The following BCKDHB variants were observed in gnomAD, a reference collection of about 807,000 sequenced individuals.
The protein encoded by BCKDHB is 2-oxoisovalerate dehydrogenase subunit beta, mitochondrial.
Under a neutral mutation model 48.5 loss-of-function variants are expected in BCKDHB, and 41 were observed. The observed-to-expected ratio is 0.85, with a 90% CI of 0.66 to 1.10. BCKDHB has a LOEUF of 1.10. BCKDHB is among the 50% of genes least tolerant of loss of function. The pLI is 0.00. For synonymous variants in BCKDHB, 201 were observed against 174.8 expected (o/e 1.15, Z -1.18); for missense variants, 496 against 494.2 (o/e 1.00, Z -0.03).
chr6:80,286,841 C>T (rs1033257379), intron 9 of BCKDHB, among the ~76,000 whole-genome samples: 19 of 152,116 alleles, frequency 1.2e-4, no homozygotes, highest in South Asian at 6.2e-4. Context: ...AGTATGATTA[C>T]TTATATTTAT....
chr6:80,277,337 C>T (rs1778006440), intron 9 of BCKDHB, among the ~76,000 whole-genome samples: 1 of 151,812 alleles, frequency 6.6e-6, no homozygotes, highest in South Asian at 2.1e-4. Flanking sequence ...AAAGTGTTAA[C>T]CTCATCTATT....
chr6:80,277,683 C>A (rs1778023317), intron 9 of BCKDHB, among the ~76,000 whole-genome samples: 1 of 144,030 alleles, frequency 6.9e-6, no homozygotes, highest in Non-Finnish European at 1.5e-5. Flanking sequence ...TTTTAAATCA[C>A]ATGGAAGCAA....
At chr6:80,350,417 A>G (rs906139946), downstream of BCKDHB, among the ~76,000 whole-genome samples, 1 of 151,922 alleles carries the variant, frequency 6.6e-6, no homozygotes, top group African/African-American at 2.4e-5. Flanking sequence ...TTTACTGTAT[A>G]TGTCTGTATC....
the BCKDHB span, among the ~76,000 whole-genome samples, chr6:80,444,794 T>C: frequency 6.6e-6 from 1 of 152,232 alleles, no homozygotes; most frequent in Non-Finnish European, 1.5e-5. Flanking sequence ...TCAAATTTTG[T>C]GTTTTATTAT....
chr6:80,109,826 A>G (rs1403159376), intron 1 of BCKDHB, among the ~76,000 whole-genome samples: 1 of 152,198 alleles, frequency 6.6e-6, no homozygotes, highest in Non-Finnish European at 1.5e-5. Flanking sequence ...CTTGTGAACT[A>G]GACAATATTA....
At chr6:80,407,345 T>C in the BCKDHB span, among the ~76,000 whole-genome samples, 1 of 152,218 alleles carries the variant, frequency 6.6e-6, no homozygotes, top group South Asian at 2.1e-4. Flanking sequence ...GCAGGCTCTT[T>C]TTTGGTTCCA....
rs139297061 is a variant in BCKDHB at position 80,129,974 on chromosome 6, T to A, written c.343+745T>A. Among the ~76,000 whole-genome samples, 265 of 152,342 alleles carry A rather than the reference T, an allele frequency of 1.7e-3. 1 individual carries two copies. The highest frequency in any genetic ancestry group is 6.0e-3 in the African/African-American group (251 of 41,592). ...GCCATAGCCTGGTCAAGTTGACATA[T>A]AATGAACCATCACATTATCCTTCTT... On this transcript the variant is annotated intron_variant, in intron 3 of 9. Transcript: ENST00000320393.
At chr6:80,308,560 A>C (rs1767988284) in intron 9 of BCKDHB, among the ~76,000 whole-genome samples, 1 of 151,944 alleles carries the variant, frequency 6.6e-6, no homozygotes, top group Non-Finnish European at 1.5e-5. Context: ...TGGGGAAAAA[A>C]AACCCAACAC....
At position 80,127,535 on chromosome 6, in the gene BCKDHB, TG is replaced by T. The variant is rs200609312; in HGVS notation, c.197-11del. ...ACAACACACGAAATGATTTTTTTTT[TG>T]ATTTTCACAGGGCAAACTCAGAAAA... On this transcript the variant is annotated splice_polypyrimidine_tract_variant and intron_variant, in intron 1 of 9. Coordinates refer to ENST00000320393, the MANE Select transcript of BCKDHB (RefSeq NM_183050.4). The T allele has an allele frequency of 7.5e-3, 10,505 of 1,395,710 alleles. No individual in the cohort carries two copies. Among genetic ancestry groups the T allele is most frequent in the East Asian group, 0.018 (611 of 33,082 alleles). The allele number at this position is 1,395,710 out of a possible 1,614,324, so 86.5% of individuals were successfully genotyped here.
At chr6:80,214,606 T>C (rs1775084646) in intron 8 of BCKDHB, among the ~76,000 whole-genome samples, 1 of 152,160 alleles carries the variant, frequency 6.6e-6, no homozygotes, top group Non-Finnish European at 1.5e-5. Context: ...TAACTACCTA[T>C]AACCACTAGA....
intron 8 of BCKDHB, among the ~76,000 whole-genome samples, chr6:80,209,092 G>A (rs1323479325): frequency 6.6e-6 from 1 of 151,678 alleles, no homozygotes; most frequent in Admixed American, 6.6e-5. Flanking sequence ...TGCAAGAGAA[G>A]TATTTATTAA....
At chr6:80,308,142 A>AT (rs201645757) in intron 9 of BCKDHB, among the ~76,000 whole-genome samples, 9 of 151,546 alleles carry the variant, frequency 5.9e-5, no homozygotes, top group East Asian at 1.9e-4. Flanking sequence ...AGCAGTGGCT[A>AT]TTTTTTTTCA....
intron 6 of BCKDHB, among the ~76,000 whole-genome samples, chr6:80,194,320 C>T (rs1774037330): frequency 6.6e-6 from 1 of 152,152 alleles, no homozygotes; most frequent in South Asian, 2.1e-4. Context: ...ACCTTTCACT[C>T]AGCATTCCCC....
intron 6 of BCKDHB, among the ~76,000 whole-genome samples, chr6:80,194,714 G>A (rs1250497678): frequency 2.6e-5 from 4 of 152,166 alleles, no homozygotes; most frequent in Non-Finnish European, 5.9e-5. Context: ...ATGAGATGAT[G>A]TTTACTTGTT....
intron 3 of BCKDHB, among the ~76,000 whole-genome samples, chr6:80,164,719 T>C (rs1323538827): frequency 6.6e-6 from 1 of 152,230 alleles, no homozygotes; most frequent in Non-Finnish European, 1.5e-5. Context: ...AATGGAGCCT[T>C]AGAGTGTTTA....
At chr6:80,337,144 A>AT (rs908859683) in intron 9 of BCKDHB, among the ~76,000 whole-genome samples, 8 of 152,154 alleles carry the variant, frequency 5.3e-5, no homozygotes, top group African/African-American at 1.7e-4. Context: ...GACCAGAATC[A>AT]TTTTTTTCTC....
intron 8 of BCKDHB, among the ~76,000 whole-genome samples, chr6:80,228,738 C>T (rs559779537): frequency 6.6e-6 from 1 of 152,260 alleles, no homozygotes; most frequent in East Asian, 1.9e-4. Flanking sequence ...TCAAACCATA[C>T]CCGAGCCACA....
the BCKDHB span, among the ~76,000 whole-genome samples, chr6:80,371,610 T>C: frequency 3.3e-5 from 5 of 152,148 alleles, no homozygotes; most frequent in African/African-American, 7.2e-5. Context: ...ATTTTTATGG[T>C]TTCAGGTCTT....
At chr6:80,170,830 C>G (rs1000557170) in intron 5 of BCKDHB, among the ~76,000 whole-genome samples, 7 of 151,998 alleles carry the variant, frequency 4.6e-5, no homozygotes, top group Non-Finnish European at 1.0e-4. Context: ...AAATGAAGAC[C>G]ATATTTTTTT....
Sources: allele counts gnomAD v4.1 joint callset (sites outside exome capture counted in the v4.1 genomes callset), GRCh38; gene constraint gnomAD v4.1.1; transcripts MANE v1.5; gene names NCBI Gene and HGNC (gene_info 2026-07-23, HGNC 2026-07-21).